The following SCUBE1 variants were observed in gnomAD, a reference collection of about 807,000 sequenced individuals.
The protein encoded by SCUBE1 is signal peptide, CUB and EGF-like domain-containing protein 1.
Under a neutral mutation model 124.4 loss-of-function variants are expected in SCUBE1, and 59 were observed. The observed-to-expected ratio is 0.47, with a 90% CI of 0.38 to 0.59. SCUBE1 has a LOEUF of 0.59. Ranked by LOEUF, SCUBE1 falls within the 20% of genes least tolerant of loss-of-function variation. SCUBE1 has a pLI of 0.00. For missense variants in SCUBE1, 1,150 were observed against 1,371.2 expected, an observed-to-expected ratio of 0.84 and a Z score of 2.55; for synonymous variants, 545 against 550.9, an observed-to-expected ratio of 0.99 and a Z score of 0.15.
At chr22:43,278,866 T>C (rs1041727356) in intron 4 of SCUBE1, among the ~76,000 whole-genome samples, 1 of 152,050 alleles carries the variant, frequency 6.6e-6, no homozygotes, top group Non-Finnish European at 1.5e-5. Context: ...ACAGCAAAGC[T>C]CCAGGAGGGT....
At chr22:43,265,862 G>A (rs563761853) in intron 4 of SCUBE1, among the ~76,000 whole-genome samples, 5 of 152,350 alleles carry the variant, frequency 3.3e-5, no homozygotes, top group Non-Finnish European at 5.9e-5. Flanking sequence ...CACTTTGGGA[G>A]AGCGAGGCGG....
chr22:43,290,357 C>A (rs962754331), intron 4 of SCUBE1, among the ~76,000 whole-genome samples: 1 of 152,212 alleles, frequency 6.6e-6, no homozygotes, highest in African/African-American at 2.4e-5. Context: ...GCTTTCTGGA[C>A]AGCTCTGCCG....
At chr22:43,218,925 C>A (rs1416228258) in intron 14 of SCUBE1, among the ~76,000 whole-genome samples, 2 of 152,242 alleles carry the variant, frequency 1.3e-5, no homozygotes, top group Middle Eastern at 3.2e-3. Context: ...GCCCTACTTA[C>A]TGCTTCCTGG....
chr22:43,249,886 C>A (rs1428878505), intron 6 of SCUBE1, among the ~76,000 whole-genome samples: 2 of 152,204 alleles, frequency 1.3e-5, no homozygotes, highest in Non-Finnish European at 2.9e-5. Context: ...CAGGGGAAGC[C>A]TGGGACTCCA....
intron 4 of SCUBE1, chr22:43,272,669 T>G (rs375429684): frequency 2.6e-5 from 4 of 152,278 alleles, no homozygotes; most frequent in Admixed American, 1.3e-4. Context: ...CCCGAATGGG[T>G]GCCCAATAAA....
chr22:43,253,280 C>G (rs1320187409), intron 6 of SCUBE1, among the ~76,000 whole-genome samples: 1 of 152,224 alleles, frequency 6.6e-6, no homozygotes, highest in African/African-American at 2.4e-5. Flanking sequence ...GGAGATGGTG[C>G]TAAGAATGAT....
intron 4 of SCUBE1, among the ~76,000 whole-genome samples, chr22:43,281,488 G>GGCCACCCTCCTGTCACCTCCCTCCTCA (rs1924869498): frequency 1.4e-5 from 1 of 72,542 alleles, no homozygotes; most frequent in Non-Finnish European, 2.2e-5. Flanking sequence ...CTCCCTCTTT[G>GGCCACCCTCCTGTCACCTCCCTCCTCA]GCCACCCTCC....
In SCUBE1 at chr22:43,320,055, C is replaced by T. The variant is rs754569627; in HGVS notation, c.231G>A (p.Glu77=). 7 of 1,614,042 alleles carry T rather than the reference C, an allele frequency of 4.3e-6. No individual in the cohort carries two copies. Among genetic ancestry groups the T allele is most frequent in the South Asian group, 2.2e-5 (2 of 91,052 alleles). ...GEGKQCEDID[E]CENDYYNGGC... is the part of the protein sequence containing the mutation. ...CCCCATTGTAGTAGTCATTCTCACA[C>T]TCGTCAATGTCTGCAAAAGGAAGGG... The change falls in exon 3 of 22, where the codon GAG becomes GAA. Residue 77 remains glutamate (E), a synonymous_variant. Coordinates refer to ENST00000360835, the MANE Select transcript of SCUBE1 (RefSeq NM_173050.5).
At chr22:43,257,421 G>A (rs1569508575) in intron 6 of SCUBE1, among the ~76,000 whole-genome samples, 1 of 152,172 alleles carries the variant, frequency 6.6e-6, no homozygotes, top group East Asian at 1.9e-4. Flanking sequence ...TAAAAAATGT[G>A]CTGCTATTTT....
chr22:43,258,384 A>G lies in SCUBE1; in HGVS notation c.611-49T>C. 7.1e-7 allele frequency: 1 copy of G among 1,399,826 alleles called. No homozygotes were observed. The highest frequency in any genetic ancestry group is 1.1e-5 in the South Asian group (1 of 86,986). 86.7% of individuals were successfully genotyped at this position (1,399,826 alleles called of 1,614,324 possible). On this transcript the variant is annotated intron_variant, in intron 5 of 21. Coordinates refer to ENST00000360835, the MANE Select transcript of SCUBE1 (RefSeq NM_173050.5). This position sits in a 1 kb window ranked among gnomAD's most constrained non-coding sequence, Gnocchi z 5.0. The stretch of plus-strand genomic sequence containing the variant: ...ACGGGTGTATAAACAGAACAACAAA[A>G]ACGGTTAGTTTGCCGGTGTTGGCGG...
chr22:43,221,400 G>C (rs547637866), intron 12 of SCUBE1, 111 bp from the exon 13 acceptor site: 9 of 684,778 alleles, frequency 1.3e-5, no homozygotes, highest in Non-Finnish European at 2.4e-5. Flanking sequence ...GGTGGGGCTT[G>C]ATCTGAGTCC....
chr22:43,243,682 C>T (rs576888688), intron 6 of SCUBE1, among the ~76,000 whole-genome samples: 1 of 152,358 alleles, frequency 6.6e-6, no homozygotes, highest in African/African-American at 2.4e-5. Context: ...GGCAGAATGA[C>T]AGGGTTCCAC....
At chr22:43,322,981 T>A (rs1926606989) in intron 2 of SCUBE1, among the ~76,000 whole-genome samples, 2 of 152,214 alleles carry the variant, frequency 1.3e-5, no homozygotes, top group South Asian at 4.1e-4. Flanking sequence ...AGAAGTTAGA[T>A]AATTGCTCAG....
intron 2 of SCUBE1, among the ~76,000 whole-genome samples, chr22:43,329,142 C>G (rs1190184499): frequency 6.6e-6 from 1 of 152,240 alleles, no homozygotes; most frequent in East Asian, 1.9e-4. Context: ...TTGCCCTTAG[C>G]CTGGACCCTG....
intron 2 of SCUBE1, among the ~76,000 whole-genome samples, chr22:43,331,910 G>C (rs1431242587): frequency 2.0e-5 from 3 of 152,308 alleles, no homozygotes; most frequent in South Asian, 4.1e-4. Flanking sequence ...AAGAGGAAAC[G>C]GGGTGTGCAA....
rs72487669 is a variant in SCUBE1, at chr22:43,280,419, C to G, written c.484+10627G>C. 3.2e-3 allele frequency among the ~76,000 whole-genome samples: 360 copies of G among 113,598 alleles called. 5 individuals carry two copies. Among genetic ancestry groups the G allele is most frequent in the African/African-American group, 0.011 (254 of 23,122 alleles). 74.5% of individuals were successfully genotyped at this position (113,598 alleles called of 152,430 possible). ...CCCGTCCCTTCCCCTCACCCATCCTCCTGTCCCTTCCCCTCACCCATCCCC... is the reference window on the plus strand; with the variant it reads ...CCCGTCCCTTCCCCTCACCCATCCTGCTGTCCCTTCCCCTCACCCATCCCC... On this transcript the variant is annotated intron_variant, in intron 4 of 21. Transcript: ENST00000360835.
chr22:43,296,659 G>C (rs1272026647), intron 3 of SCUBE1, among the ~76,000 whole-genome samples: 2 of 152,198 alleles, frequency 1.3e-5, no homozygotes, highest in Non-Finnish European at 2.9e-5. Flanking sequence ...CAGCTGTCTG[G>C]ACCGGCGTGG....
intron 3 of SCUBE1, among the ~76,000 whole-genome samples, chr22:43,317,626 C>T (rs1221240680): frequency 6.6e-6 from 1 of 152,374 alleles, no homozygotes; most frequent in East Asian, 1.9e-4. Flanking sequence ...GGTTACCCAG[C>T]AGCCAGTGGC....
Position 43,210,007 on chromosome 22 carries a change from T to A in SCUBE1, c.2581+36A>T, listed in dbSNP as rs1487828814. ...AGCGAGACGGGGGTGCACACGCAGC[T>A]GAGGCTGCCTCTGGTCCCCTCGGCC... is the stretch of plus-strand genomic sequence containing the variant. On this transcript the variant is annotated intron_variant, in intron 19 of 21. Transcript: ENST00000360835. The surrounding 1 kb of genome is among the most constrained non-coding windows in gnomAD (Gnocchi z 4.5). 6.4e-7 allele frequency: 1 copy of A among 1,558,306 alleles called. No individual in the cohort carries two copies. Among genetic ancestry groups the A allele is most frequent in the Non-Finnish European group, 8.7e-7 (1 of 1,148,644 alleles).
Sources: gnomAD v4.1 joint callset for allele counts (sites outside exome capture counted in the v4.1 genomes callset) on GRCh38, gnomAD v4.1.1 for gene constraint, Gnocchi (gnomAD v3.1) non-coding constraint, MANE v1.5 for transcripts, NCBI Gene and HGNC (gene_info 2026-07-23, HGNC 2026-07-21) for gene names.